ARFGEF2: variants seen among roughly 807,000 people sequenced by gnomAD.
The protein encoded by ARFGEF2 is ARF guanine nucleotide exchange factor 2, also known as brefeldin A-inhibited guanine nucleotide-exchange protein 2.
In ARFGEF2, 74 loss-of-function variants were observed where a neutral mutation model predicts 219.9. The observed-to-expected ratio is 0.34, with a 90% CI of 0.28 to 0.41. The LOEUF is 0.41. Among genes scored for constraint, ARFGEF2 ranks in the 10% least tolerant of loss-of-function variants. ARFGEF2 has a pLI of 1.00. For missense variants in ARFGEF2, 1,743 were observed against 2,218.3 expected (o/e 0.79, Z 4.30); for synonymous variants, 733 against 799.2 (o/e 0.92, Z 1.40).
At position 48,936,320 on chromosome 20, in the gene ARFGEF2, C is replaced by T. The variant is rs1482809193; in HGVS notation, c.122-4879C>T. 5.3e-5 allele frequency among the ~76,000 whole-genome samples: 8 copies of T among 150,272 alleles called. 1 individual carries two copies. The highest frequency in any genetic ancestry group is 4.2e-4 in the South Asian group (2 of 4,774). On this transcript the variant is annotated intron_variant, in intron 1 of 38. Coordinates refer to ENST00000371917, the MANE Select transcript of ARFGEF2 (RefSeq NM_006420.3). ...GGGCTGACCCCCCCCACCTCCCTCCCGGACGGGGCGGCTGGCTGGGCGGGG... is the reference window on the plus strand; with the variant it reads ...GGGCTGACCCCCCCCACCTCCCTCCTGGACGGGGCGGCTGGCTGGGCGGGG...
At chr20:49,027,017 C>G (rs6019594) in intron 36 of ARFGEF2, among the ~76,000 whole-genome samples, 54,951 of 151,836 alleles carry the variant, frequency 0.36, 10,765 homozygotes, top group African/African-American at 0.53. Flanking sequence ...TTGTGAGAGT[C>G]GTTTGCATAT....
At chr20:49,019,105 C>A in intron 34 of ARFGEF2, 107 bp downstream of exon 34, 1 of 923,050 alleles carries the variant, frequency 1.1e-6, no homozygotes, top group Non-Finnish European at 1.7e-6. Flanking sequence ...TGCCCTGTGC[C>A]TCAGTCTGCC....
At chr20:49,013,021 C>T (rs895897780) in intron 28 of ARFGEF2, among the ~76,000 whole-genome samples, 2 of 152,100 alleles carry the variant, frequency 1.3e-5, no homozygotes, top group African/African-American at 4.8e-5. Flanking sequence ...AGCTGTATGA[C>T]CTTGAGCAGC....
chr20:49,006,005 C>G (rs1420009783), intron 26 of ARFGEF2, among the ~76,000 whole-genome samples: 1 of 151,840 alleles, frequency 6.6e-6, no homozygotes, highest in Non-Finnish European at 1.5e-5. Flanking sequence ...ATTTTAAAAT[C>G]CTGTGTTTGG....
chr20:48,934,318 C>A (rs528143200), intron 1 of ARFGEF2, among the ~76,000 whole-genome samples: 4 of 152,058 alleles, frequency 2.6e-5, no homozygotes, highest in South Asian at 2.1e-4. Context: ...TTCGCTGTTC[C>A]TTTTTCTCCC....
At chr20:48,956,811 C>T (rs2091108617) in intron 6 of ARFGEF2, among the ~76,000 whole-genome samples, 1 of 152,178 alleles carries the variant, frequency 6.6e-6, no homozygotes, top group African/African-American at 2.4e-5. Context: ...AACTCCTGAC[C>T]TCAGGTGATC....
intron 9 of ARFGEF2, among the ~76,000 whole-genome samples, chr20:48,969,705 T>C (rs2091213255): frequency 6.6e-6 from 1 of 152,238 alleles, no homozygotes; most frequent in Non-Finnish European, 1.5e-5. Flanking sequence ...CAAACATTTC[T>C]TTGTAGTAAA....
At chr20:48,944,712 C>T (rs904712325) in intron 3 of ARFGEF2, among the ~76,000 whole-genome samples, 11 of 152,092 alleles carry the variant, frequency 7.2e-5, no homozygotes, top group Non-Finnish European at 1.0e-4. Context: ...GTGATCCTCC[C>T]GCCTAGGCCT....
Position 48,985,578 on chromosome 20 carries a change from G to A in ARFGEF2, c.2241G>A (p.Glu747=), listed in dbSNP as rs2091322275. The A allele has an allele frequency of 2.5e-6, 4 of 1,614,214 alleles. No individual in the cohort carries two copies. In the East Asian group the frequency reaches 8.9e-5, roughly 36 times the overall value. Residue 747 remains glutamate (E), a synonymous_variant, in exon 16 of 39, where the codon GAG becomes GAA. Transcript: ENST00000371917. Reference sequence around the variant, plus strand: ...CCCAAAAGATTGACCGATTAATGGAGAAGTTTGCCGCAAGATACATAGAAT... The same window carrying A: ...CCCAAAAGATTGACCGATTAATGGAAAAGTTTGCCGCAAGATACATAGAAT... ...GEAQKIDRLM[E]KFAARYIECN...
At chr20:48,936,758 C>G (rs1049279674) in intron 1 of ARFGEF2, among the ~76,000 whole-genome samples, 4 of 152,138 alleles carry the variant, frequency 2.6e-5, no homozygotes, top group African/African-American at 7.2e-5. Flanking sequence ...AACTCCCTAC[C>G]TCAGGTGATC....
rs1042862329 is a variant in ARFGEF2, at chr20:49,023,537, G to GT, written c.4755+367dup. ...TTTTTTTTCTGGTTTTTTTTTTTTT[G>GT]TTTTTTTTTTTGTTTTTTTGAGACG... is the stretch of plus-strand genomic sequence containing the variant. On this transcript the variant is annotated intron_variant, in intron 35 of 38. Transcript: ENST00000371917. 7.4e-3 allele frequency among the ~76,000 whole-genome samples: 372 copies of GT among 49,942 alleles called. 2 individuals carry two copies. Among genetic ancestry groups the GT allele is most frequent in the African/African-American group, 0.032 (236 of 7,332 alleles). The allele number at this position is 49,942 out of a possible 152,430, so 32.8% of individuals were successfully genotyped here.
At chr20:49,005,956 T>A (rs1191464734) in intron 26 of ARFGEF2, among the ~76,000 whole-genome samples, 1 of 151,976 alleles carries the variant, frequency 6.6e-6, no homozygotes, top group East Asian at 1.9e-4. Context: ...GGCCTGGACT[T>A]ATTGAGACTT....
chr20:48,960,108 A>G (rs766657883), intron 6 of ARFGEF2, among the ~76,000 whole-genome samples: 1 of 152,194 alleles, frequency 6.6e-6, no homozygotes, highest in South Asian at 2.1e-4. Flanking sequence ...AAAGAATATT[A>G]TGGGTATACT....
At chr20:49,029,582 T>A (rs2091621780) in intron 37 of ARFGEF2, among the ~76,000 whole-genome samples, 1 of 147,252 alleles carries the variant, frequency 6.8e-6, no homozygotes, top group South Asian at 2.1e-4. Context: ...TGAAACATAG[T>A]CATTAAAAGT....
intron 25 of ARFGEF2, among the ~76,000 whole-genome samples, chr20:49,001,258 T>A (rs1259048995): frequency 6.6e-6 from 1 of 152,086 alleles, no homozygotes; most frequent in South Asian, 2.1e-4. Flanking sequence ...CAGGCTGGTC[T>A]GGAACTCCTG....
rs559551723 is a variant in ARFGEF2 at position 49,025,458 on chromosome 20, A to G, written c.4901A>G (p.Gln1634Arg). Residue 1634 changes from glutamine to arginine, a missense_variant, in exon 36 of 39, where the codon CAG (glutamine) becomes CGG (arginine). By Grantham distance (43) the Gln-to-Arg change is conservative. This residue lies in a region of ARFGEF2 where 578 missense variants were observed against 664.0 expected (regional missense o/e 0.87). Transcript: ENST00000371917. ...FSKAFNSNYE[Q>R]RTVLWRAGFK... ...AAGGCCTTCAACTCCAATTACGAGC[A>G]GCGGACTGTCCTGTGGCGAGCAGGT... 1.9e-6 allele frequency: 3 copies of G among 1,614,096 alleles called. No homozygotes were observed. In the African/African-American group the frequency reaches 4.0e-5, roughly 22 times the overall value.
intron 35 of ARFGEF2, among the ~76,000 whole-genome samples, chr20:49,024,282 G>C (rs1600556946): frequency 6.6e-6 from 1 of 152,234 alleles, no homozygotes; most frequent in East Asian, 1.9e-4. Context: ...CTACATATCA[G>C]ATTCTTGAAA....
chr20:49,026,487 AT>A (rs1001992538), intron 36 of ARFGEF2, among the ~76,000 whole-genome samples: 5 of 150,594 alleles, frequency 3.3e-5, no homozygotes, highest in Non-Finnish European at 5.9e-5. Flanking sequence ...AGGTAAATAC[AT>A]TTTTTTTCCA....
chr20:49,027,232 C>T (rs2091608997), intron 36 of ARFGEF2, among the ~76,000 whole-genome samples: 2 of 152,050 alleles, frequency 1.3e-5, no homozygotes, highest in Admixed American at 6.5e-5. Flanking sequence ...ACTACAGGCA[C>T]GCACCACCAC....
Sources: allele counts gnomAD v4.1 joint callset (sites outside exome capture counted in the v4.1 genomes callset), GRCh38; gene constraint gnomAD v4.1.1; regional missense constraint gnomAD v4.1.1; transcripts MANE v1.5; gene names NCBI Gene and HGNC (gene_info 2026-07-23, HGNC 2026-07-21).